The following HCN1 variants were observed in gnomAD, a reference collection of about 807,000 sequenced individuals.
HCN1 encodes the protein potassium/sodium hyperpolarization-activated cyclic nucleotide-gated channel 1.
Under a neutral mutation model 78.9 loss-of-function variants are expected in HCN1, and 13 were observed. That is an observed-to-expected ratio of 0.16 (90% confidence interval 0.11 to 0.26). The LOEUF is 0.26. HCN1 is among the 10% of genes least tolerant of loss of function. The pLI, the probability that HCN1 is intolerant of heterozygous loss-of-function variation, is 1.00. For missense variants in HCN1, 810 were observed against 1,154.3 expected, an observed-to-expected ratio of 0.70 and a Z score of 4.32; for synonymous variants, 552 against 455.5, an observed-to-expected ratio of 1.21 and a Z score of -2.70.
At chr5:45,573,646 T>C (rs1262796265) in intron 2 of HCN1, among the ~76,000 whole-genome samples, 1 of 152,006 alleles carries the variant, frequency 6.6e-6, no homozygotes, top group Non-Finnish European at 1.5e-5. Context: ...ACTTGAAAAT[T>C]GCTCCCCTAA....
intron 3 of HCN1, among the ~76,000 whole-genome samples, chr5:45,421,046 CTTCTCTCT>C (rs1561148080): frequency 1.3e-5 from 2 of 151,802 alleles, no homozygotes; most frequent in East Asian, 1.9e-4. Flanking sequence ...CCTTTCCTTC[CTTCTCTCT>C]TTCTCTCTTT....
At chr5:45,546,135 T>C (rs905621829) in intron 2 of HCN1, among the ~76,000 whole-genome samples, 2 of 151,970 alleles carry the variant, frequency 1.3e-5, no homozygotes, top group African/African-American at 4.8e-5. Context: ...TTCCAGTATC[T>C]TCTTAAAGCT....
intron 2 of HCN1, among the ~76,000 whole-genome samples, chr5:45,512,553 T>G (rs868170896): frequency 9.2e-5 from 14 of 152,192 alleles, no homozygotes; most frequent in Middle Eastern, 6.8e-3. Flanking sequence ...AATCTACTTT[T>G]TTCTAAGAAA....
At chr5:45,358,219 A>C (rs955587587) in intron 4 of HCN1, among the ~76,000 whole-genome samples, 1 of 152,106 alleles carries the variant, frequency 6.6e-6, no homozygotes, top group African/African-American at 2.4e-5. Context: ...AAGTATAATA[A>C]CCATCACGAG....
intron 1 of HCN1, among the ~76,000 whole-genome samples, chr5:45,692,086 G>A (rs1171862119): frequency 6.6e-6 from 1 of 152,212 alleles, no homozygotes; most frequent in Non-Finnish European, 1.5e-5. Flanking sequence ...GTGTAAGCAT[G>A]ATGGAACAAA....
At chr5:45,424,903 C>T (rs1414515440) in intron 3 of HCN1, among the ~76,000 whole-genome samples, 3 of 152,090 alleles carry the variant, frequency 2.0e-5, no homozygotes, top group African/African-American at 7.2e-5. Context: ...TTATATATTA[C>T]ACATAGGAAA....
chr5:45,539,919 G>GATATATATATATATAT (rs66934051), intron 2 of HCN1, among the ~76,000 whole-genome samples: 7 of 126,086 alleles, frequency 5.6e-5, no homozygotes, highest in African/African-American at 2.0e-4. Context: ...TAAATTGTGA[G>GATATATATATATATAT]ATATATATAT....
chr5:45,385,488 T>C (rs969300918), intron 4 of HCN1, among the ~76,000 whole-genome samples: 2 of 152,116 alleles, frequency 1.3e-5, no homozygotes, highest in Non-Finnish European at 2.9e-5. Context: ...GAATGAGTCA[T>C]CTAGTCAGGA....
chr5:45,396,834 A>T, intron 3 of HCN1, 124 bp from the exon 4 acceptor site: 1 of 756,796 alleles, frequency 1.3e-6, no homozygotes, highest in South Asian at 1.4e-5. Flanking sequence ...ACAATGGAGC[A>T]TTTACAAATG....
intron 1 of HCN1, among the ~76,000 whole-genome samples, chr5:45,682,721 G>C (rs568643198): frequency 6.6e-6 from 1 of 151,472 alleles, no homozygotes; most frequent in Non-Finnish European, 1.5e-5. Flanking sequence ...GTAAAGAAAC[G>C]AAACATTAAG....
At chr5:45,398,127 G>A (rs980410492) in intron 3 of HCN1, among the ~76,000 whole-genome samples, 1 of 151,866 alleles carries the variant, frequency 6.6e-6, no homozygotes, top group Non-Finnish European at 1.5e-5. Context: ...ATTTGGAGCT[G>A]ATGATTTTCA....
At chr5:45,451,032 C>A (rs1740908443) in intron 3 of HCN1, among the ~76,000 whole-genome samples, 1 of 152,052 alleles carries the variant, frequency 6.6e-6, no homozygotes, top group Admixed American at 6.6e-5. Flanking sequence ...TTGGTTTCTT[C>A]AAATTTTGCA....
At chr5:45,376,236 C>CTATTTATTCTATATAGAATATAGAA (rs1747658563) in intron 4 of HCN1, among the ~76,000 whole-genome samples, 1 of 27,950 alleles carries the variant, frequency 3.6e-5, no homozygotes, top group Non-Finnish European at 7.3e-5. Flanking sequence ...AATATATATT[C>CTATTTATTCTATATAGAATATAGAA]TATATATTCT....
intron 2 of HCN1, among the ~76,000 whole-genome samples, chr5:45,596,067 T>G (rs1038443198): frequency 6.7e-6 from 1 of 148,796 alleles, no homozygotes; most frequent in African/African-American, 2.6e-5. Flanking sequence ...GGCTAATTTT[T>G]TTTTGTATTT....
intron 3 of HCN1, among the ~76,000 whole-genome samples, chr5:45,444,813 T>C (rs1740752551): frequency 6.6e-6 from 1 of 152,044 alleles, no homozygotes; most frequent in Non-Finnish European, 1.5e-5. Context: ...ATTATTATTA[T>C]TATTATACTT....
chr5:45,670,665 T>C (rs1483091751), intron 1 of HCN1, among the ~76,000 whole-genome samples: 2 of 151,764 alleles, frequency 1.3e-5, no homozygotes. Flanking sequence ...TAATATTCAA[T>C]CTATATCCAA....
rs573182053 is a variant in HCN1, at chr5:45,567,219, T to C, written c.849+77966A>G. Among the ~76,000 whole-genome samples, 185 of 152,258 alleles carry C rather than the reference T, an allele frequency of 1.2e-3. 1 individual carries two copies. Among genetic ancestry groups the C allele is most frequent in the African/African-American group, 4.3e-3 (180 of 41,566 alleles). ...GCATCACAGATTTTTCTTTCATTTT[T>C]TTTTTTGTCTTTCTACCTCCTTTTC... On this transcript the variant is annotated intron_variant, in intron 2 of 7. Transcript: ENST00000303230.
intron 3 of HCN1, among the ~76,000 whole-genome samples, chr5:45,409,562 A>C (rs770636354): frequency 1.3e-5 from 2 of 151,996 alleles, no homozygotes; most frequent in Non-Finnish European, 2.9e-5. Context: ...ATTTACCCTT[A>C]ACACTTAACA....
At chr5:45,493,583 T>A (rs1191121078) in intron 2 of HCN1, among the ~76,000 whole-genome samples, 3 of 151,982 alleles carry the variant, frequency 2.0e-5, no homozygotes, top group African/African-American at 7.2e-5. Flanking sequence ...TTTCTTTTTT[T>A]TTAGCTTTTA....
Sources: gnomAD v4.1 joint callset for allele counts (sites outside exome capture counted in the v4.1 genomes callset) on GRCh38, gnomAD v4.1.1 for gene constraint, MANE v1.5 for transcripts, NCBI Gene and HGNC (gene_info 2026-07-23, HGNC 2026-07-21) for gene names.